Variants in STUM observed in about 807,000 individuals in gnomAD.
STUM encodes the protein protein stum homolog.
In STUM, 8 loss-of-function variants were observed where a neutral mutation model predicts 15.3. The ratio of observed to expected loss-of-function variants is 0.52; its 90% CI spans 0.31 to 0.94. The LOEUF is 0.94. Ranked by LOEUF, STUM falls within the 40% of genes least tolerant of loss-of-function variation. STUM has a pLI of 0.05. For missense variants in STUM, 142 were observed against 204.9 expected (o/e 0.69, Z 1.87); for synonymous variants, 78 against 88.7 (o/e 0.88, Z 0.68).
At chr1:226,595,016 C>T (rs936585434) in intron 1 of STUM, among the ~76,000 whole-genome samples, 4 of 152,170 alleles carry the variant, frequency 2.6e-5, no homozygotes, top group Admixed American at 6.5e-5. Context: ...AGAAGTCCCA[C>T]GATAGGTTGA....
At position 226,604,630 on chromosome 1, in the gene STUM, C is replaced by G. The variant is rs1668329224; in HGVS notation, c.*2590C>G. ...CTCCAAATAGTTCCAGCTGGCCACT[C>G]AGACCAGGGCCAGAGTTAACTTCTC... On this transcript the variant is annotated 3_prime_UTR_variant, in exon 4 of 4. Transcript: ENST00000366788. This position sits in a 1 kb window ranked among gnomAD's most constrained non-coding sequence, Gnocchi z 4.7. 3 of 152,254 alleles carry G rather than the reference C, an allele frequency of 2.0e-5. No individual in the cohort carries two copies. 9.4% of individuals were successfully genotyped at this position (152,254 alleles called of 1,614,324 possible). A position where few individuals can be genotyped will look rare whatever the true frequency, so the allele number is the denominator to read the frequency against.
chr1:226,597,675 A>G (rs975646415), intron 2 of STUM, among the ~76,000 whole-genome samples: 4 of 152,200 alleles, frequency 2.6e-5, no homozygotes, highest in Non-Finnish European at 4.4e-5. Flanking sequence ...AATATTCAAG[A>G]CCCAGGGCAC....
chr1:226,594,656 AT>A (rs369688104), intron 1 of STUM, among the ~76,000 whole-genome samples: 11 of 150,000 alleles, frequency 7.3e-5, no homozygotes, highest in East Asian at 2.0e-4. Flanking sequence ...ATGGAAGGAG[AT>A]TTTTTTTTTC....
In STUM at chr1:226,600,166, G is replaced by T. The variant is rs951832649; in HGVS notation, c.383-500G>T. On this transcript the variant is annotated intron_variant, in intron 2 of 3. Coordinates refer to ENST00000366788, the MANE Select transcript of STUM (RefSeq NM_001003665.4). This position sits in a 1 kb window ranked among gnomAD's most constrained non-coding sequence, Gnocchi z 5.2. ...TGAAAAAAAAAAGGCTAGGTGCTGT[G>T]GCTCATGCCTGTATCTCAGCATGTT... Among the ~76,000 whole-genome samples, 11 of 152,164 alleles carry T rather than the reference G, an allele frequency of 7.2e-5. No individual in the cohort carries two copies. Among genetic ancestry groups the T allele is most frequent in the Non-Finnish European group, 1.5e-5 (1 of 68,022 alleles).
At chr1:226,595,435 T>C (rs760321741) in intron 1 of STUM, among the ~76,000 whole-genome samples, 2 of 152,086 alleles carry the variant, frequency 1.3e-5, no homozygotes, top group Non-Finnish European at 2.9e-5. Flanking sequence ...CCACCAGCCG[T>C]CTAGGAACCC....
chr1:226,564,610 T>G (rs1667592526), intron 1 of STUM, among the ~76,000 whole-genome samples: 1 of 152,232 alleles, frequency 6.6e-6, no homozygotes, highest in Admixed American at 6.5e-5. Flanking sequence ...ATTTTGAGTT[T>G]TCTAACTTAG....
chr1:226,551,255 C>A (rs1413838597), intron 1 of STUM, among the ~76,000 whole-genome samples: 1 of 152,180 alleles, frequency 6.6e-6, no homozygotes, highest in Admixed American at 6.5e-5. Context: ...TAAAGCCCAG[C>A]GTCTGGTGCA....
At chr1:226,551,240 T>C (rs1334823828) in intron 1 of STUM, among the ~76,000 whole-genome samples, 2 of 152,110 alleles carry the variant, frequency 1.3e-5, no homozygotes, top group African/African-American at 4.8e-5. Context: ...TGAAACGTGA[T>C]TACATAAAGC....
In STUM at chr1:226,549,427, C is replaced by T. The variant is rs546054534; in HGVS notation, c.202+321C>T. Among the ~76,000 whole-genome samples, 13 of 152,328 alleles carry T rather than the reference C, an allele frequency of 8.5e-5. No homozygotes were observed. The highest frequency in any genetic ancestry group is 1.0e-4 in the Non-Finnish European group (7 of 68,032). ...TCGGAGTAGGGCTCCCGTCCCGGCG[C>T]CCCGATTTCTGCTCCTTCTCTCCGT... On this transcript the variant is annotated intron_variant, in intron 1 of 3. Coordinates refer to ENST00000366788, the MANE Select transcript of STUM (RefSeq NM_001003665.4). This position sits in a 1 kb window ranked among gnomAD's most constrained non-coding sequence, Gnocchi z 6.8.
chr1:226,593,113 G>A (rs565632454), intron 1 of STUM, among the ~76,000 whole-genome samples: 1 of 150,486 alleles, frequency 6.6e-6, no homozygotes, highest in East Asian at 2.0e-4. Flanking sequence ...TTGAACCTGG[G>A]AGGTGGAGGT....
rs1667393607 is a variant in STUM at position 226,552,953 on chromosome 1, A to T, written c.202+3847A>T. On this transcript the variant is annotated intron_variant, in intron 1 of 3. Coordinates refer to ENST00000366788, the MANE Select transcript of STUM (RefSeq NM_001003665.4). This position sits in a 1 kb window ranked among gnomAD's most constrained non-coding sequence, Gnocchi z 4.7. ...CCACAAATACATATAGACTAGAATTATACTCCTGGAATAGGCATTAGAGAT... is the reference window on the plus strand; with the variant it reads ...CCACAAATACATATAGACTAGAATTTTACTCCTGGAATAGGCATTAGAGAT... Among the ~76,000 whole-genome samples, 2 of 152,256 alleles carry T rather than the reference A, an allele frequency of 1.3e-5. No homozygotes were observed. Among genetic ancestry groups the T allele is most frequent in the East Asian group, 3.8e-4 (2 of 5,206 alleles).
rs1311965789 is a variant in STUM, at chr1:226,600,553, A to G, written c.383-113A>G. On this transcript the variant is annotated intron_variant, in intron 2 of 3. Transcript: ENST00000366788. The surrounding 1 kb of genome is among the most constrained non-coding windows in gnomAD (Gnocchi z 5.2). ...TCCCATCTCCCAGGCCTCACCATGGATCTGCTTTGTTTCCTGTGCCAAGCG... is the reference window on the plus strand; with the variant it reads ...TCCCATCTCCCAGGCCTCACCATGGGTCTGCTTTGTTTCCTGTGCCAAGCG... The G allele has an allele frequency of 7.6e-7, 1 of 1,309,302 alleles. No individual in the cohort carries two copies. The highest frequency in any genetic ancestry group is 2.3e-5 in the East Asian group (1 of 43,386). 81.1% of individuals were successfully genotyped at this position (1,309,302 alleles called of 1,614,324 possible). A position where few individuals can be genotyped will look rare whatever the true frequency, so the allele number is the denominator to read the frequency against.
At chr1:226,564,970 T>C (rs1375281575) in intron 1 of STUM, among the ~76,000 whole-genome samples, 1 of 152,126 alleles carries the variant, frequency 6.6e-6, no homozygotes, top group Non-Finnish European at 1.5e-5. Flanking sequence ...CCCCATGCAT[T>C]TTCTGCTCTT....
rs1292202628 is a variant in STUM at position 226,607,960 on chromosome 1, C to T, written c.*5920C>T. ...GACTTATCTCCAAAGGAGCCCACAC[C>T]CCCTCTTCCAGGATGGGCACTGGCT... On this transcript the variant is annotated 3_prime_UTR_variant, in exon 4 of 4. Transcript: ENST00000366788. The T allele has an allele frequency of 6.6e-6, 1 of 152,376 alleles. No individual in the cohort carries two copies. Among genetic ancestry groups the T allele is most frequent in the Non-Finnish European group, 1.5e-5 (1 of 68,152 alleles). 9.4% of individuals were successfully genotyped at this position (152,376 alleles called of 1,614,324 possible). A position where few individuals can be genotyped will look rare whatever the true frequency, so the allele number is the denominator to read the frequency against.
chr1:226,577,080 A>G lies in STUM; in HGVS notation c.203-19722A>G, dbSNP rs78177412. On this transcript the variant is annotated intron_variant, in intron 1 of 3. Coordinates refer to ENST00000366788, the MANE Select transcript of STUM (RefSeq NM_001003665.4). ...GCATTACTGCTCTTATTTTCAGGTG[A>G]GGAAACCAAGGCACAGAAAGGTTAG... 4.5e-3 allele frequency among the ~76,000 whole-genome samples: 692 copies of G among 152,312 alleles called. 8 individuals carry two copies. The highest frequency in any genetic ancestry group is 0.016 in the African/African-American group (652 of 41,572).
At chr1:226,593,259 C>T (rs1668119393) in intron 1 of STUM, among the ~76,000 whole-genome samples, 1 of 151,970 alleles carries the variant, frequency 6.6e-6, no homozygotes, top group South Asian at 2.1e-4. Context: ...GCATTGCTCT[C>T]CTGCTCAGAA....
intron 2 of STUM, among the ~76,000 whole-genome samples, chr1:226,597,570 A>T (rs1200673578): frequency 2.0e-5 from 3 of 152,162 alleles, no homozygotes; most frequent in Non-Finnish European, 4.4e-5. Flanking sequence ...GCCAGGTAAG[A>T]GTGGCAGAGG....
In STUM at chr1:226,600,685, G is replaced by T; in HGVS notation, c.391+11G>T. ...CTGCAGTTTCCCAAGGTGAGTCTGC[G>T]GATGGACGTGCGGGCCTCGTGCTGC... is the stretch of plus-strand genomic sequence containing the variant. On this transcript the variant is annotated intron_variant, in intron 3 of 3. Transcript: ENST00000366788. This position sits in a 1 kb window ranked among gnomAD's most constrained non-coding sequence, Gnocchi z 5.2. 6.2e-7 allele frequency: 1 copy of T among 1,610,496 alleles called. No homozygotes were observed. The highest frequency in any genetic ancestry group is 8.5e-7 in the Non-Finnish European group (1 of 1,179,992).
At chr1:226,582,277 A>G (rs1667930639) in intron 1 of STUM, among the ~76,000 whole-genome samples, 1 of 152,180 alleles carries the variant, frequency 6.6e-6, no homozygotes. Flanking sequence ...TCTCAAATCC[A>G]TTTGGCTCTT....
Sources: allele counts gnomAD v4.1 joint callset (sites outside exome capture counted in the v4.1 genomes callset), GRCh38; gene constraint gnomAD v4.1.1; non-coding constraint Gnocchi (gnomAD v3.1); transcripts MANE v1.5; gene names NCBI Gene and HGNC (gene_info 2026-07-23, HGNC 2026-07-21).